Variants in FOXO3 observed in about 807,000 individuals in gnomAD.
FOXO3 encodes forkhead box O3, also known as forkhead box protein O3.
In FOXO3, 4 loss-of-function variants were observed where a neutral mutation model predicts 41.9. The ratio of observed to expected loss-of-function variants is 0.10; its 90% CI spans 0.05 to 0.22. The LOEUF is 0.22. FOXO3 is among the 10% of genes least tolerant of loss of function. FOXO3 has a pLI of 1.00. For synonymous variants in FOXO3, 318 were observed against 389.3 expected (o/e 0.82, Z 2.16); for missense variants, 534 against 906.8 (o/e 0.59, Z 5.28).
chr6:108,609,676 G>A (rs1203011354), intron 1 of FOXO3, among the ~76,000 whole-genome samples: 1 of 152,168 alleles, frequency 6.6e-6, no homozygotes, highest in African/African-American at 2.4e-5. Context: ...TAAGGCTAAG[G>A]TATTTGTGTT....
chr6:108,575,001 G>C (rs1776222899), intron 1 of FOXO3, among the ~76,000 whole-genome samples: 1 of 152,182 alleles, frequency 6.6e-6, no homozygotes, highest in Non-Finnish European at 1.5e-5. Flanking sequence ...TGTGTGGCTG[G>C]AGGCAGCTGC....
chr6:108,621,446 C>T (rs1777660033), intron 1 of FOXO3, among the ~76,000 whole-genome samples: 1 of 152,172 alleles, frequency 6.6e-6, no homozygotes, highest in Admixed American at 6.5e-5. Flanking sequence ...CACAAGGCAA[C>T]GTCTGGAAGA....
At chr6:108,623,668 A>G (rs1395076811) in intron 1 of FOXO3, among the ~76,000 whole-genome samples, 3 of 152,238 alleles carry the variant, frequency 2.0e-5, no homozygotes. Context: ...TAACAAATGA[A>G]GTATATACCA....
At chr6:108,661,999 G>T (rs1013058685) in intron 1 of FOXO3, among the ~76,000 whole-genome samples, 1 of 152,074 alleles carries the variant, frequency 6.6e-6, no homozygotes, top group Non-Finnish European at 1.5e-5. Context: ...AATCAATATG[G>T]ATATATTATT....
chr6:108,564,722 T>C (rs973667186), intron 1 of FOXO3, among the ~76,000 whole-genome samples: 1 of 152,120 alleles, frequency 6.6e-6, no homozygotes, highest in African/African-American at 2.4e-5. Flanking sequence ...TTCTGAAAAA[T>C]ACAAATACCC....
At chr6:108,670,803 T>G (rs1237121832) in intron 2 of FOXO3, among the ~76,000 whole-genome samples, 1 of 152,156 alleles carries the variant, frequency 6.6e-6, no homozygotes, top group African/African-American at 2.4e-5. Context: ...CTTGCTGAGT[T>G]TTTTGTATGA....
At position 108,603,067 on chromosome 6, in the gene FOXO3, A is replaced by G. The variant is rs143109725; in HGVS notation, c.621+41238A>G. The stretch of plus-strand genomic sequence containing the variant: ...TGGCAAACTGACATTCATTCAATGT[A>G]AGACTTTTTTTCCCTCACTTTTTGT... On this transcript the variant is annotated intron_variant, in intron 1 of 2. Transcript: ENST00000406360. Among the ~76,000 whole-genome samples, 1,416 of 152,200 alleles carry G rather than the reference A, an allele frequency of 9.3e-3. 21 individuals are homozygous for G. Among genetic ancestry groups the G allele is most frequent in the African/African-American group, 0.032 (1,343 of 41,534 alleles).
intron 1 of FOXO3, among the ~76,000 whole-genome samples, chr6:108,614,716 T>G (rs1309493014): frequency 6.6e-6 from 1 of 152,020 alleles, no homozygotes; most frequent in Non-Finnish European, 1.5e-5. Flanking sequence ...GTTTTGGTTT[T>G]TTTTTGTTTT....
intron 1 of FOXO3, among the ~76,000 whole-genome samples, chr6:108,595,892 A>G (rs1430493138): frequency 2.0e-5 from 3 of 152,210 alleles, no homozygotes; most frequent in South Asian, 2.1e-4. Flanking sequence ...CCAGAAATGG[A>G]CTTTTTACAT....
intron 2 of FOXO3, among the ~76,000 whole-genome samples, chr6:108,667,572 A>G (rs1779099845): frequency 6.6e-6 from 1 of 152,224 alleles, no homozygotes; most frequent in Admixed American, 6.5e-5. Flanking sequence ...TTTCTCGTAT[A>G]TGTGTAATTC....
At chr6:108,571,757 A>G (rs1475355804) in intron 1 of FOXO3, among the ~76,000 whole-genome samples, 1 of 152,218 alleles carries the variant, frequency 6.6e-6, no homozygotes, top group Non-Finnish European at 1.5e-5. Flanking sequence ...CTGAGAAAGA[A>G]TGAATTTTTG....
rs968709045 is a variant in FOXO3 at position 108,664,951 on chromosome 6, G to A, written c.*34+62G>A. The A allele has an allele frequency of 4.8e-6, 7 of 1,473,174 alleles. No individual in the cohort carries two copies. In the Admixed American group the frequency reaches 6.6e-5, roughly 14 times the overall value. 91.3% of individuals were successfully genotyped at this position (1,473,174 alleles called of 1,614,324 possible). On this transcript the variant is annotated intron_variant, in intron 2 of 2. Coordinates refer to ENST00000406360, the MANE Select transcript of FOXO3 (RefSeq NM_001455.4). The stretch of plus-strand genomic sequence containing the variant: ...TGGGGATGAGGGGGGATCTCTGGGG[G>A]AGCCTGTCTTCTCTTTACTTTGAAC...
chr6:108,649,629 G>T (rs746989803), intron 1 of FOXO3, among the ~76,000 whole-genome samples: 3 of 147,212 alleles, frequency 2.0e-5, no homozygotes, highest in Non-Finnish European at 4.5e-5. Flanking sequence ...GGCTCAAGCC[G>T]TTTGTCTGCC....
chr6:108,656,442 C>T (rs569540342), intron 1 of FOXO3: 20 of 985,072 alleles, frequency 2.0e-5, no homozygotes, highest in African/African-American at 1.4e-4. Context: ...CTGACTGGCA[C>T]GGCACCTCTG....
chr6:108,588,987 C>T (rs1034903657), intron 1 of FOXO3, among the ~76,000 whole-genome samples: 7 of 152,154 alleles, frequency 4.6e-5, no homozygotes, highest in African/African-American at 1.7e-4. Flanking sequence ...ATGGGTTCTG[C>T]AGTATAGCAT....
intron 1 of FOXO3, among the ~76,000 whole-genome samples, chr6:108,662,833 G>C (rs1298720672): frequency 2.6e-5 from 4 of 152,072 alleles, no homozygotes; most frequent in Admixed American, 2.6e-4. Flanking sequence ...TTACAGAAAG[G>C]CCAGTAATTA....
chr6:108,642,115 G>C (rs950292939), intron 1 of FOXO3, among the ~76,000 whole-genome samples: 1 of 148,826 alleles, frequency 6.7e-6, no homozygotes, highest in African/African-American at 2.5e-5. Context: ...TTGAGACAGG[G>C]TTTCACTGTG....
At chr6:108,610,955 T>TA (rs1691575467) in intron 1 of FOXO3, among the ~76,000 whole-genome samples, 1 of 152,202 alleles carries the variant, frequency 6.6e-6, no homozygotes, top group African/African-American at 2.4e-5. Flanking sequence ...ACACCACAAT[T>TA]ACGATAAAAC....
intron 1 of FOXO3, among the ~76,000 whole-genome samples, chr6:108,638,678 A>G (rs1251752262): frequency 1.3e-5 from 2 of 152,128 alleles, no homozygotes; most frequent in Non-Finnish European, 2.9e-5. Flanking sequence ...AGGACAACAG[A>G]CGACTTGGGC....
Sources: allele counts gnomAD v4.1 joint callset (sites outside exome capture counted in the v4.1 genomes callset), GRCh38; gene constraint gnomAD v4.1.1; transcripts MANE v1.5; gene names NCBI Gene and HGNC (gene_info 2026-07-23, HGNC 2026-07-21).